Variants in RNF130 observed in about 807,000 individuals in gnomAD.
The protein encoded by RNF130 is ring finger protein 130, also known as E3 ubiquitin-protein ligase RNF130.
A neutral mutation model predicts 44.6 loss-of-function variants in RNF130; 21 were observed. The ratio of observed to expected loss-of-function variants is 0.47; its 90% CI spans 0.33 to 0.68. RNF130 has a LOEUF of 0.68. RNF130 is among the 30% of genes least tolerant of loss of function. The pLI is 0.02. For synonymous variants in RNF130, 214 were observed against 210.4 expected, an observed-to-expected ratio of 1.02 and a Z score of -0.15; for missense variants, 479 against 560.6, an observed-to-expected ratio of 0.85 and a Z score of 1.47.
chr5:180,027,911 G>C (rs1020146081), intron 2 of RNF130, among the ~76,000 whole-genome samples: 1 of 152,192 alleles, frequency 6.6e-6, no homozygotes, highest in South Asian at 2.1e-4. Context: ...CCAGTGCAGC[G>C]CTGGAAAGCA....
chr5:180,051,061 C>T (rs1764675795), intron 1 of RNF130, among the ~76,000 whole-genome samples: 1 of 152,122 alleles, frequency 6.6e-6, no homozygotes, highest in South Asian at 2.1e-4. Flanking sequence ...CCTCGACCTC[C>T]CAAACTGCTG....
exon 8 of RNF130, chr5:179,918,410 T>C (rs904895945): frequency 6.6e-5 from 10 of 152,196 alleles, no homozygotes; most frequent in African/African-American, 2.2e-4. Flanking sequence ...AAATGCTACA[T>C]CAGGATCTGC....
At position 180,018,294 on chromosome 5, in the gene RNF130, C is replaced by T. The variant is rs867921975; in HGVS notation, c.443-4983G>A. On this transcript the variant is annotated intron_variant, in intron 2 of 8. Coordinates refer to ENST00000521389, the MANE Select transcript of RNF130 (RefSeq NM_018434.6). ...TGGGAAACAGAGTGAGACTCCATCT[C>T]AAAAAAAAAAAAAAGAAAAGAAAAG... Among the ~76,000 whole-genome samples the T allele has an allele frequency of 8.5e-3, 1,077 of 127,088 alleles. 16 individuals carry two copies. Among genetic ancestry groups the T allele is most frequent in the African/African-American group, 0.027 (911 of 33,800 alleles). The allele number at this position is 127,088 out of a possible 152,430, so 83.4% of individuals were successfully genotyped here. A position where few individuals can be genotyped will look rare whatever the true frequency, so the allele number is the denominator to read the frequency against.
chr5:179,955,498 T>G lies in RNF130; in HGVS notation c.*156A>C. Reference sequence around the variant, plus strand: ...CACAGACTTTTTATTTTATTATTTATTTCTTTTAATACAAAGCTTTGGCAT... The same window carrying G: ...CACAGACTTTTTATTTTATTATTTAGTTCTTTTAATACAAAGCTTTGGCAT... On this transcript the variant is annotated 3_prime_UTR_variant, in exon 9 of 9. Transcript: ENST00000521389. 1.8e-6 allele frequency: 1 copy of G among 563,970 alleles called. No homozygotes were observed. Among genetic ancestry groups the G allele is most frequent in the South Asian group, 3.7e-5 (1 of 27,098 alleles). 34.9% of individuals were successfully genotyped at this position (563,970 alleles called of 1,614,324 possible).
intron 2 of RNF130, among the ~76,000 whole-genome samples, chr5:180,039,425 CAG>C (rs1164924993): frequency 2.0e-5 from 3 of 151,984 alleles, no homozygotes; most frequent in African/African-American, 4.8e-5. Flanking sequence ...TTAGTAGAGA[CAG>C]GGGTTTCAGC....
At chr5:179,997,494 A>AT (rs1293846802) in intron 3 of RNF130, among the ~76,000 whole-genome samples, 1 of 151,292 alleles carries the variant, frequency 6.6e-6, no homozygotes, top group Non-Finnish European at 1.5e-5. Context: ...CGGCTAATTT[A>AT]TTTATTATTA....
At chr5:180,030,700 T>C (rs533995080) in intron 2 of RNF130, among the ~76,000 whole-genome samples, 120 of 152,320 alleles carry the variant, frequency 7.9e-4, no homozygotes, top group Admixed American at 2.5e-3. Context: ...TTAATCTTCA[T>C]GCCCAGCTCT....
chr5:180,027,460 T>C (rs1032933541), intron 2 of RNF130, among the ~76,000 whole-genome samples: 3 of 152,146 alleles, frequency 2.0e-5, no homozygotes, highest in Non-Finnish European at 4.4e-5. Context: ...TTCTGGAGAT[T>C]TACCGTGAAT....
Position 179,979,233 on chromosome 5 carries a change from G to T in RNF130, c.765+896C>A, listed in dbSNP as rs530206374. ...TTGAAATGCAAGCCGTTTTGATGCT[G>T]CTTCTATTTTCTTAAGTGATTTCCC... On this transcript the variant is annotated intron_variant, in intron 4 of 8. Coordinates refer to ENST00000521389, the MANE Select transcript of RNF130 (RefSeq NM_018434.6). Among the ~76,000 whole-genome samples the T allele has an allele frequency of 6.6e-5, 10 of 151,800 alleles. No individual in the cohort carries two copies. In the East Asian group the frequency reaches 1.5e-3, roughly 23 times the overall value.
intron 8 of RNF130, among the ~76,000 whole-genome samples, chr5:179,963,257 A>G (rs1762372989): frequency 6.6e-6 from 1 of 152,236 alleles, no homozygotes; most frequent in Non-Finnish European, 1.5e-5. Flanking sequence ...TCTTTTCTCA[A>G]ACGGGCTGCT....
At position 180,027,330 on chromosome 5, in the gene RNF130, G is replaced by A. The variant is rs184119408; in HGVS notation, c.442+13123C>T. ...GTTATCTGTGGAGGAAGGGAACTGAGTAACACATTGATGAGCCTGGAAAGC... is the reference window on the plus strand; with the variant it reads ...GTTATCTGTGGAGGAAGGGAACTGAATAACACATTGATGAGCCTGGAAAGC... On this transcript the variant is annotated intron_variant, in intron 2 of 8. Coordinates refer to ENST00000521389, the MANE Select transcript of RNF130 (RefSeq NM_018434.6). Among the ~76,000 whole-genome samples the A allele has an allele frequency of 2.5e-3, 387 of 152,304 alleles. 1 individual carries two copies. Among genetic ancestry groups the A allele is most frequent in the Non-Finnish European group, 3.5e-3 (235 of 68,026 alleles).
rs534328353 is a variant in RNF130, at chr5:180,018,046, A to T, written c.443-4735T>A. 1.1e-4 allele frequency among the ~76,000 whole-genome samples: 16 copies of T among 152,350 alleles called. No individual in the cohort carries two copies. In the East Asian group the frequency reaches 3.1e-3, roughly 29 times the overall value. On this transcript the variant is annotated intron_variant, in intron 2 of 8. Coordinates refer to ENST00000521389, the MANE Select transcript of RNF130 (RefSeq NM_018434.6). ...CGTGGTGGTTCACACCTGTAATCTC[A>T]GCACTTTGGGAGATCAAGGCGATGG... is the stretch of plus-strand genomic sequence containing the variant.
At chr5:180,041,440 A>G (rs942948208) in intron 1 of RNF130, among the ~76,000 whole-genome samples, 11 of 152,206 alleles carry the variant, frequency 7.2e-5, no homozygotes, top group African/African-American at 2.7e-4. Flanking sequence ...TAAAATACTC[A>G]TAAGTACATT....
intron 3 of RNF130, among the ~76,000 whole-genome samples, chr5:180,010,244 CAAAAAAAAAAAAAA>C (rs71001067): frequency 1.2e-4 from 5 of 41,088 alleles, no homozygotes; most frequent in Admixed American, 4.1e-4. Flanking sequence ...GACTACATCT[CAAAAAAAAAAAAAA>C]AAAAAAAAAA....
At chr5:180,000,013 G>GT (rs1763298063) in intron 3 of RNF130, among the ~76,000 whole-genome samples, 1 of 152,138 alleles carries the variant, frequency 6.6e-6, no homozygotes, top group South Asian at 2.1e-4. Flanking sequence ...TCTCCTTTGT[G>GT]TATCTGCTCT....
intron 7 of RNF130, among the ~76,000 whole-genome samples, chr5:179,931,434 T>C (rs1010957778): frequency 6.6e-6 from 1 of 152,176 alleles, no homozygotes; most frequent in Non-Finnish European, 1.5e-5. Context: ...GTTTTTTTTC[T>C]TTTTTGTTGG....
intron 8 of RNF130, among the ~76,000 whole-genome samples, chr5:179,961,111 TAA>T (rs113457529): frequency 6.9e-6 from 1 of 144,954 alleles, no homozygotes. Context: ...TGCTTACTGT[TAA>T]AAAAAAAAAA....
chr5:179,924,165 T>A (rs1417191652), intron 7 of RNF130, among the ~76,000 whole-genome samples: 1 of 151,208 alleles, frequency 6.6e-6, no homozygotes, highest in Admixed American at 6.6e-5. Context: ...GGCAACACAG[T>A]GAGACCCTGT....
At chr5:180,067,388 G>A (rs547787724) in intron 1 of RNF130, among the ~76,000 whole-genome samples, 8 of 152,100 alleles carry the variant, frequency 5.3e-5, no homozygotes, top group East Asian at 1.9e-4. Flanking sequence ...TCACTGGCAC[G>A]GCAATAGAAG....
Sources: allele counts gnomAD v4.1 joint callset (sites outside exome capture counted in the v4.1 genomes callset), GRCh38; gene constraint gnomAD v4.1.1; transcripts MANE v1.5; gene names NCBI Gene and HGNC (gene_info 2026-07-23, HGNC 2026-07-21).